Variants in ENTPD7 observed in about 807,000 individuals in gnomAD.
ENTPD7 encodes ectonucleoside triphosphate diphosphohydrolase 7, also known as NTPDase 7.
ENTPD7 carries 53 observed loss-of-function variants against 77.9 expected under a neutral mutation model. The ratio of observed to expected loss-of-function variants is 0.68; its 90% CI spans 0.55 to 0.85. The LOEUF is 0.85. Ranked by LOEUF, ENTPD7 falls within the 40% of genes least tolerant of loss-of-function variation. The pLI is 0.00. For synonymous variants in ENTPD7, 248 were observed against 274.9 expected, an observed-to-expected ratio of 0.90 and a Z score of 0.97; for missense variants, 636 against 743.7, an observed-to-expected ratio of 0.86 and a Z score of 1.68.
chr10:99,679,166 G>A, intron 3 of ENTPD7, 95 bp from the exon 4 acceptor site: 1 of 1,177,132 alleles, frequency 8.5e-7, no homozygotes, highest in African/African-American at 1.5e-5. Context: ...GCACATGTAG[G>A]CACTTAATGA....
chr10:99,688,993 A>G (rs1280174509), intron 7 of ENTPD7, among the ~76,000 whole-genome samples: 1 of 152,118 alleles, frequency 6.6e-6, no homozygotes, highest in African/African-American at 2.4e-5. Context: ...CCCAGGCTCA[A>G]TATTTACTAA....
rs1554838053 is a variant in ENTPD7 at position 99,698,861 on chromosome 10, A to G, written c.1335+3A>G. ...CAACATTTGCCAAGGCTGCTCAGGTAAATTATTAATGATAAACATGGCTTA... is the reference window on the plus strand; with the variant it reads ...CAACATTTGCCAAGGCTGCTCAGGTGAATTATTAATGATAAACATGGCTTA... On this transcript the variant is annotated splice_donor_region_variant and intron_variant, in intron 10 of 12. Transcript: ENST00000370489. 1.3e-6 allele frequency: 2 copies of G among 1,586,042 alleles called. No homozygotes were observed. Among genetic ancestry groups the G allele is most frequent in the South Asian group, 1.2e-5 (1 of 86,458 alleles).
At chr10:99,667,027 C>G (rs2035559136) in intron 3 of ENTPD7, among the ~76,000 whole-genome samples, 1 of 152,166 alleles carries the variant, frequency 6.6e-6, no homozygotes, top group African/African-American at 2.4e-5. Context: ...GCAGAGTGAT[C>G]TGATAATTCT....
At chr10:99,677,079 A>G (rs921839911) in intron 3 of ENTPD7, among the ~76,000 whole-genome samples, 1 of 152,330 alleles carries the variant, frequency 6.6e-6, no homozygotes, top group Middle Eastern at 3.4e-3. Flanking sequence ...GAAATCACCA[A>G]TAAACACTGG....
intron 7 of ENTPD7, among the ~76,000 whole-genome samples, chr10:99,690,259 G>T (rs751287371): frequency 1.4e-4 from 22 of 152,154 alleles, no homozygotes; most frequent in Non-Finnish European, 2.4e-4. Flanking sequence ...TTTAGTAAAA[G>T]ATGGTATTTA....
chr10:99,693,116 G>A (rs1299424571), intron 8 of ENTPD7, among the ~76,000 whole-genome samples: 1 of 152,142 alleles, frequency 6.6e-6, no homozygotes, highest in African/African-American at 2.4e-5. Context: ...CAGCAGTGCT[G>A]AGGATCTATC....
chr10:99,700,032 T>C (rs899466215), intron 10 of ENTPD7, among the ~76,000 whole-genome samples: 1 of 152,184 alleles, frequency 6.6e-6, no homozygotes, highest in African/African-American at 2.4e-5. Flanking sequence ...TAAGAAATAC[T>C]GTGGGACACC....
intron 8 of ENTPD7, among the ~76,000 whole-genome samples, chr10:99,694,540 T>G (rs1329015358): frequency 3.4e-5 from 5 of 148,306 alleles, no homozygotes; most frequent in Non-Finnish European, 7.4e-5. Context: ...GTTTTTTTGT[T>G]TTTTTTTTTT....
chr10:99,685,762 A>G, intron 5 of ENTPD7, 30 bp from the exon 6 acceptor site: 1 of 1,546,644 alleles, frequency 6.5e-7, no homozygotes, highest in Non-Finnish European at 8.9e-7. Flanking sequence ...TTTAGTGACT[A>G]ACTTTGGGAT....
Position 99,704,781 on chromosome 10 carries a change from C to T in ENTPD7, c.*98C>T. On this transcript the variant is annotated 3_prime_UTR_variant, in exon 13 of 13. Transcript: ENST00000370489. ...AGCCTCAGATGCTGTGATGTCTGAC[C>T]TTGTGGATATTTGCCCTTGGAATTT... 8.9e-7 allele frequency: 1 copy of T among 1,120,064 alleles called. No homozygotes were observed. The highest frequency in any genetic ancestry group is 1.3e-6 in the Non-Finnish European group (1 of 780,542). The allele number at this position is 1,120,064 out of a possible 1,614,324, so 69.4% of individuals were successfully genotyped here. A position where few individuals can be genotyped will look rare whatever the true frequency, so the allele number is the denominator to read the frequency against.
In ENTPD7 at chr10:99,688,763, G is replaced by A; in HGVS notation, c.709+13G>A. 1 of 1,613,438 alleles carries A rather than the reference G, an allele frequency of 6.2e-7. No individual in the cohort carries two copies. The highest frequency in any genetic ancestry group is 8.5e-7 in the Non-Finnish European group (1 of 1,179,512). On this transcript the variant is annotated intron_variant, in intron 7 of 12. Coordinates refer to ENST00000370489, the MANE Select transcript of ENTPD7 (RefSeq NM_020354.5). ...GACCACGAGGATGGTGAGTAATATTGTCTTTTTATGACAGTTTACCTAAGG... is the reference window on the plus strand; with the variant it reads ...GACCACGAGGATGGTGAGTAATATTATCTTTTTATGACAGTTTACCTAAGG...
rs1315967138 is a variant in ENTPD7 at position 99,704,712 on chromosome 10, C to T, written c.*29C>T. ...TGGACCAGGACTAGAGAAGCTTGAG[C>T]ACCCCCGAGTTGCTGCTCATTGAAT... On this transcript the variant is annotated 3_prime_UTR_variant, in exon 13 of 13. Transcript: ENST00000370489. 2 of 1,588,856 alleles carry T rather than the reference C, an allele frequency of 1.3e-6. No individual in the cohort carries two copies. Among genetic ancestry groups the T allele is most frequent in the Middle Eastern group, 1.7e-4 (1 of 5,834 alleles).
intron 3 of ENTPD7, among the ~76,000 whole-genome samples, chr10:99,671,837 A>G (rs184603315): frequency 1.3e-5 from 2 of 152,264 alleles, no homozygotes; most frequent in Non-Finnish European, 2.9e-5. Flanking sequence ...TTCCTTTACC[A>G]TCTGGAAATA....
chr10:99,683,414 G>A (rs74152710), intron 5 of ENTPD7, among the ~76,000 whole-genome samples: 1 of 151,860 alleles, frequency 6.6e-6, no homozygotes, highest in Non-Finnish European at 1.5e-5. Flanking sequence ...CTTTTATTTT[G>A]CAGTTAAAAA....
chr10:99,704,773 T>C lies in ENTPD7; in HGVS notation c.*90T>C, dbSNP rs2036220141. 1 of 1,171,784 alleles carries C rather than the reference T, an allele frequency of 8.5e-7. No individual in the cohort carries two copies. Among genetic ancestry groups the C allele is most frequent in the South Asian group, 1.4e-5 (1 of 71,382 alleles). 72.6% of individuals were successfully genotyped at this position (1,171,784 alleles called of 1,614,324 possible). The stretch of plus-strand genomic sequence containing the variant: ...TCTTATATAGCCTCAGATGCTGTGA[T>C]GTCTGACCTTGTGGATATTTGCCCT... On this transcript the variant is annotated 3_prime_UTR_variant, in exon 13 of 13. Coordinates refer to ENST00000370489, the MANE Select transcript of ENTPD7 (RefSeq NM_020354.5).
chr10:99,680,820 G>A (rs1292435571), intron 5 of ENTPD7, among the ~76,000 whole-genome samples: 4 of 152,052 alleles, frequency 2.6e-5, no homozygotes, highest in Non-Finnish European at 4.4e-5. Flanking sequence ...CAAGTGATCC[G>A]CTTGCCTCAG....
At chr10:99,687,480 T>C (rs1369959532) in intron 6 of ENTPD7, among the ~76,000 whole-genome samples, 1 of 151,810 alleles carries the variant, frequency 6.6e-6, no homozygotes, top group Non-Finnish European at 1.5e-5. Context: ...TTAACCAGGA[T>C]GGTCTTGATC....
At chr10:99,666,813 A>G (rs1366564493) in intron 3 of ENTPD7, among the ~76,000 whole-genome samples, 1 of 152,242 alleles carries the variant, frequency 6.6e-6, no homozygotes, top group Non-Finnish European at 1.5e-5. Context: ...AATTTATTGA[A>G]TACTGTACTG....
intron 8 of ENTPD7, among the ~76,000 whole-genome samples, chr10:99,693,863 A>C (rs1056836572): frequency 6.6e-6 from 1 of 151,970 alleles, no homozygotes; most frequent in Non-Finnish European, 1.5e-5. Flanking sequence ...AGTTGCAGTG[A>C]GCCAAGATCG....
Sources: gnomAD v4.1 joint callset for allele counts (sites outside exome capture counted in the v4.1 genomes callset) on GRCh38, gnomAD v4.1.1 for gene constraint, MANE v1.5 for transcripts, NCBI Gene and HGNC (gene_info 2026-07-23, HGNC 2026-07-21) for gene names.